COL24A1: variants seen among roughly 807,000 people sequenced by gnomAD.
The protein encoded by COL24A1 is collagen alpha-1(XXIV) chain.
COL24A1 carries 224 observed loss-of-function variants against 253.9 expected under a neutral mutation model. The ratio of observed to expected loss-of-function variants is 0.88; its 90% CI spans 0.79 to 0.99. The LOEUF is 0.99. Ranked by LOEUF, COL24A1 falls within the 50% of genes least tolerant of loss-of-function variation. The pLI is 0.00. For missense variants in COL24A1, 2,131 were observed against 2,068.5 expected (o/e 1.03, Z -0.59); for synonymous variants, 685 against 673.7 (o/e 1.02, Z -0.26).
intron 11 of COL24A1, among the ~76,000 whole-genome samples, chr1:86,048,855 G>C (rs1559118790): frequency 6.6e-6 from 1 of 152,166 alleles, no homozygotes; most frequent in Non-Finnish European, 1.5e-5. Flanking sequence ...TGTGCCTATT[G>C]ATGGCCAGTG....
chr1:85,993,435 A>AGT (rs1694480968), intron 19 of COL24A1, among the ~76,000 whole-genome samples: 1 of 119,336 alleles, frequency 8.4e-6, no homozygotes. Context: ...TAAGTGAAAG[A>AGT]AGCCAGACAA....
At chr1:85,797,724 G>A (rs905662303) in intron 47 of COL24A1, among the ~76,000 whole-genome samples, 4 of 152,082 alleles carry the variant, frequency 2.6e-5, no homozygotes, top group Non-Finnish European at 5.9e-5. Context: ...GTTTTGTGAG[G>A]GTTAAATCAC....
intron 18 of COL24A1, among the ~76,000 whole-genome samples, chr1:86,018,199 A>C (rs1280291548): frequency 1.3e-5 from 2 of 152,218 alleles, no homozygotes; most frequent in Admixed American, 6.5e-5. Context: ...TAAACTTGCA[A>C]GTTACAATAC....
At chr1:86,040,226 T>C (rs1462523934) in intron 12 of COL24A1, among the ~76,000 whole-genome samples, 1 of 152,138 alleles carries the variant, frequency 6.6e-6, no homozygotes. Context: ...ATATAATCCC[T>C]GAGCCCAACC....
intron 55 of COL24A1, among the ~76,000 whole-genome samples, chr1:85,748,049 T>C (rs1190722889): frequency 6.6e-6 from 1 of 152,242 alleles, no homozygotes; most frequent in Non-Finnish European, 1.5e-5. Context: ...ATGTTACTTA[T>C]CAGGAAAACA....
At chr1:85,827,507 T>G (rs867493800) in intron 43 of COL24A1, among the ~76,000 whole-genome samples, 1,903 of 151,774 alleles carry the variant, frequency 0.013, 39 homozygotes, top group African/African-American at 0.043. Flanking sequence ...AATGGTACCA[T>G]TTCCTCCTTG....
chr1:86,153,545 A>G (rs1653066285), intron 1 of COL24A1, among the ~76,000 whole-genome samples: 1 of 152,246 alleles, frequency 6.6e-6, no homozygotes, highest in African/African-American at 2.4e-5. Flanking sequence ...AGGCATGGCA[A>G]GGAAACTAGC....
At chr1:86,049,591 T>C (rs1700155575) in intron 11 of COL24A1, among the ~76,000 whole-genome samples, 1 of 152,208 alleles carries the variant, frequency 6.6e-6, no homozygotes, top group Admixed American at 6.5e-5. Flanking sequence ...GAAAACTAGA[T>C]ATGATGAAGC....
At chr1:85,895,807 C>T (rs768193084) in intron 31 of COL24A1, 51 bp downstream of exon 31, 18 of 1,492,058 alleles carry the variant, frequency 1.2e-5, no homozygotes, top group Non-Finnish European at 1.7e-5. Context: ...CCCCTTTCCC[C>T]CAAAAATGCA....
intron 55 of COL24A1, among the ~76,000 whole-genome samples, chr1:85,755,089 G>T (rs1345733476): frequency 6.6e-6 from 1 of 152,088 alleles, no homozygotes; most frequent in Non-Finnish European, 1.5e-5. Context: ...TCTTCAACCA[G>T]ATTAACAGCT....
chr1:86,143,767 T>G (rs1333116070), intron 2 of COL24A1, among the ~76,000 whole-genome samples: 1 of 152,118 alleles, frequency 6.6e-6, no homozygotes, highest in Admixed American at 6.5e-5. Flanking sequence ...TCATACAATT[T>G]GGCCTTTAAA....
intron 43 of COL24A1, among the ~76,000 whole-genome samples, chr1:85,838,182 T>A (rs1312665022): frequency 1.9e-5 from 1 of 51,492 alleles, no homozygotes; most frequent in African/African-American, 1.1e-4. Context: ...AGAGACAAGA[T>A]TTTTTTTCTC....
At chr1:85,997,574 G>A (rs1301217048) in intron 19 of COL24A1, among the ~76,000 whole-genome samples, 1 of 152,074 alleles carries the variant, frequency 6.6e-6, no homozygotes, top group Admixed American at 6.5e-5. Context: ...CACAAGGTCA[G>A]GAGTTCGAGA....
Position 86,131,630 on chromosome 1 carries a change from T to C in COL24A1, c.122-5416A>G, listed in dbSNP as rs190762176. ...TGCAGTGTTTGGTTTTTTGTCCTTG[T>C]GATAGTTTGCTGAGAATGATGGTTT... On this transcript the variant is annotated intron_variant, in intron 2 of 59. Transcript: ENST00000370571. Among the ~76,000 whole-genome samples, 1,233 of 151,686 alleles carry C rather than the reference T, an allele frequency of 8.1e-3. 23 individuals carry two copies. Among genetic ancestry groups the C allele is most frequent in the East Asian group, 0.066 (336 of 5,126 alleles).
At chr1:86,120,476 G>A (rs897339983) in intron 3 of COL24A1, among the ~76,000 whole-genome samples, 5 of 152,142 alleles carry the variant, frequency 3.3e-5, no homozygotes, top group East Asian at 3.9e-4. Context: ...CAAAAAGTGG[G>A]CAAAGGATAT....
intron 19 of COL24A1, among the ~76,000 whole-genome samples, chr1:85,998,321 C>T (rs950081390): frequency 2.0e-5 from 3 of 152,174 alleles, no homozygotes; most frequent in African/African-American, 2.4e-5. Flanking sequence ...TCTTGCACCA[C>T]GTAACTTGTT....
chr1:85,941,420 T>C (rs537905987), intron 24 of COL24A1, among the ~76,000 whole-genome samples: 1 of 152,116 alleles, frequency 6.6e-6, no homozygotes, highest in African/African-American at 2.4e-5. Context: ...GAATTCCAGC[T>C]TAGATCTTCA....
chr1:85,826,594 A>G (rs1275164190), intron 43 of COL24A1, among the ~76,000 whole-genome samples: 37 of 150,560 alleles, frequency 2.5e-4, no homozygotes, highest in African/African-American at 9.1e-4. Flanking sequence ...ATCCTCTTTT[A>G]TTTCATTGAG....
chr1:86,111,970 T>C (rs1053905004), intron 5 of COL24A1, among the ~76,000 whole-genome samples: 5 of 152,204 alleles, frequency 3.3e-5, no homozygotes, highest in Admixed American at 6.5e-5. Context: ...ACACACCATC[T>C]TTAAGAACTG....
Sources: allele counts gnomAD v4.1 joint callset (sites outside exome capture counted in the v4.1 genomes callset), GRCh38; gene constraint gnomAD v4.1.1; transcripts MANE v1.5; gene names NCBI Gene and HGNC (gene_info 2026-07-23, HGNC 2026-07-21).